MAF: variants seen among roughly 807,000 people sequenced by gnomAD.
MAF encodes the protein MAF bZIP transcription factor.
Under a neutral mutation model 22.0 loss-of-function variants are expected in MAF, and 10 were observed. That is an observed-to-expected ratio of 0.45 (90% CI 0.28 to 0.77). The LOEUF (loss-of-function observed/expected upper bound fraction) is 0.77. MAF is among the 30% of genes least tolerant of loss of function. The pLI is 0.12. For missense variants in MAF, 544 were observed against 548.4 expected (o/e 0.99, Z 0.08); for synonymous variants, 337 against 255.8 (o/e 1.32, Z -3.03).
At chr16:79,211,693 G>C in the MAF span, 23 of 1,614,208 alleles carry the variant, frequency 1.4e-5, no homozygotes, top group Non-Finnish European at 1.9e-5. Context: ...AACTGCTGCC[G>C]CTGCATGCCC....
At chr16:79,430,499 T>G in the MAF span, among the ~76,000 whole-genome samples, 66 of 152,354 alleles carry the variant, frequency 4.3e-4, 1 homozygote, top group African/African-American at 1.5e-3. Flanking sequence ...CAGTGCCTCC[T>G]CATTCCTGGC....
At chr16:79,571,939 A>G in the MAF span, among the ~76,000 whole-genome samples, 1 of 152,186 alleles carries the variant, frequency 6.6e-6, no homozygotes, top group African/African-American at 2.4e-5. Context: ...TTTCTTTGCC[A>G]GCCCCTGCCC....
the MAF span, among the ~76,000 whole-genome samples, chr16:79,274,994 G>C: frequency 2.0e-5 from 3 of 152,158 alleles, no homozygotes; most frequent in African/African-American, 7.2e-5. Context: ...CCTTAACTGA[G>C]ATATGCATAT....
At chr16:79,569,247 T>A in the MAF span, among the ~76,000 whole-genome samples, 1 of 152,220 alleles carries the variant, frequency 6.6e-6, no homozygotes, top group Admixed American at 6.5e-5. Context: ...GCATTATCCC[T>A]CGTCTCAACC....
chr16:79,395,587 C>T, the MAF span, among the ~76,000 whole-genome samples: 6 of 152,028 alleles, frequency 3.9e-5, no homozygotes, highest in African/African-American at 7.2e-5. Context: ...GTTGGAGCAT[C>T]GCATCTGCAA....
At chr16:79,558,063 C>T in the MAF span, among the ~76,000 whole-genome samples, 1 of 151,800 alleles carries the variant, frequency 6.6e-6, no homozygotes, top group Non-Finnish European at 1.5e-5. Context: ...TGACACCTGT[C>T]CTGGAAACTG....
At position 79,599,473 on chromosome 16, in the gene MAF, C is replaced by G; in HGVS notation, c.430G>C (p.Ala144Pro). 7.2e-7 allele frequency: 1 copy of G among 1,389,832 alleles called. No homozygotes were observed. The highest frequency in any genetic ancestry group is 9.2e-7 in the Non-Finnish European group (1 of 1,081,822). 86.1% of individuals were successfully genotyped at this position (1,389,832 alleles called of 1,614,324 possible). A position where few individuals can be genotyped will look rare whatever the true frequency, so the allele number is the denominator to read the frequency against. ...GAQQLAAAAG[A>P]GAGASLGGSG... Reference sequence around the variant, plus strand: ...CCGCCCAAGGAGGCGCCGGCACCGGCCCCGGCCGCCGCGGCCAGCTGCTGC... The same window carrying G: ...CCGCCCAAGGAGGCGCCGGCACCGGGCCCGGCCGCCGCGGCCAGCTGCTGC... The change falls in exon 1 of 2, where the codon GCC (alanine) becomes CCC (proline). Residue 144 changes from alanine (A) to proline (P), a missense_variant. Ala to Pro is a conservative substitution (Grantham distance 27). Around this residue, in one of 5 missense-constraint regions of MAF, gnomAD observed 342 missense variants for 315.5 expected, o/e 1.08. Coordinates refer to ENST00000326043, the MANE Select transcript of MAF (RefSeq NM_005360.5).
At chr16:79,352,385 T>C in the MAF span, among the ~76,000 whole-genome samples, 1 of 152,042 alleles carries the variant, frequency 6.6e-6, no homozygotes, top group Non-Finnish European at 1.5e-5. Context: ...TAAGGAGGTG[T>C]CATAGCACTG....
At chr16:79,544,949 T>A in the MAF span, among the ~76,000 whole-genome samples, 1 of 152,128 alleles carries the variant, frequency 6.6e-6, no homozygotes, top group Non-Finnish European at 1.5e-5. Context: ...TGTTTGGCCA[T>A]TGCTAAGTTA....
Position 79,599,377 on chromosome 16 carries a change from C to A in MAF, c.526G>T (p.Gly176Cys). 2 of 1,007,218 alleles carry A rather than the reference C, an allele frequency of 2.0e-6. No homozygotes were observed. The highest frequency in any genetic ancestry group is 1.7e-5 in the African/African-American group (1 of 57,280). 62.4% of individuals were successfully genotyped at this position (1,007,218 alleles called of 1,614,324 possible). ...AVIAAAAAQS[G>C]AGPHYHHHHH... ...TGGTGGTGGTAGTGCGGGCCCGCGC[C>A]GCTCTGCGCGGCGGCCGCGGCGATC... Residue 176 changes from glycine to cysteine, a missense_variant, in exon 1 of 2, where the codon GGC becomes TGC. Physicochemically the swap from Gly to Cys is radical, Grantham distance 159. Transcript: ENST00000326043.
chr16:79,327,197 G>A, the MAF span, among the ~76,000 whole-genome samples: 1 of 152,194 alleles, frequency 6.6e-6, no homozygotes, highest in Non-Finnish European at 1.5e-5. Flanking sequence ...GCTTGGGGCA[G>A]GGGCTTTAGG....
the MAF span, among the ~76,000 whole-genome samples, chr16:79,485,354 CT>C: frequency 6.6e-6 from 1 of 152,254 alleles, no homozygotes; most frequent in Non-Finnish European, 1.5e-5. Flanking sequence ...ACAGGAAGTA[CT>C]GCTCTTTCCT....
chr16:79,562,482 A>G, the MAF span, among the ~76,000 whole-genome samples: 2 of 152,220 alleles, frequency 1.3e-5, no homozygotes, highest in Non-Finnish European at 2.9e-5. Flanking sequence ...CTTGGGAAAA[A>G]TACATTTTGT....
At chr16:79,582,770 C>G (rs1049746983), downstream of MAF, among the ~76,000 whole-genome samples, 1 of 152,228 alleles carries the variant, frequency 6.6e-6, no homozygotes, top group Non-Finnish European at 1.5e-5. Context: ...AAGACATACT[C>G]GTCGAATTTG....
the MAF span, among the ~76,000 whole-genome samples, chr16:79,383,299 A>G: frequency 6.6e-6 from 1 of 152,166 alleles, no homozygotes; most frequent in Non-Finnish European, 1.5e-5. Context: ...GTTCAACTTC[A>G]TGTATCCAGA....
chr16:79,521,892 T>C, the MAF span, among the ~76,000 whole-genome samples: 2 of 152,234 alleles, frequency 1.3e-5, no homozygotes, highest in Admixed American at 6.5e-5. Flanking sequence ...ATCATCTTAA[T>C]TTTCCAGAAA....
chr16:79,480,568 T>C, the MAF span, among the ~76,000 whole-genome samples: 1 of 152,102 alleles, frequency 6.6e-6, no homozygotes, highest in African/African-American at 2.4e-5. Context: ...TGCAGTGCTC[T>C]ATTTGGTACC....
chr16:79,422,646 T>C, the MAF span, among the ~76,000 whole-genome samples: 3 of 152,208 alleles, frequency 2.0e-5, no homozygotes, highest in Non-Finnish European at 2.9e-5. Flanking sequence ...GTTTTATTCA[T>C]ATCCCCATTC....
chr16:79,228,654 G>T, the MAF span, among the ~76,000 whole-genome samples: 4 of 151,996 alleles, frequency 2.6e-5, no homozygotes, highest in Admixed American at 6.6e-5. Context: ...ACAAAGACAG[G>T]CATGAAAGAT....
Sources: allele counts gnomAD v4.1 joint callset (sites outside exome capture counted in the v4.1 genomes callset), GRCh38; gene constraint gnomAD v4.1.1; regional missense constraint gnomAD v4.1.1; transcripts MANE v1.5; gene names NCBI Gene and HGNC (gene_info 2026-07-23, HGNC 2026-07-21).